Variants in THSD7B observed in about 807,000 individuals in gnomAD.
The protein encoded by THSD7B is thrombospondin type-1 domain-containing protein 7B.
A neutral mutation model predicts 213.6 loss-of-function variants in THSD7B; 138 were observed. The observed-to-expected ratio is 0.65, with a 90% confidence interval of 0.56 to 0.74. THSD7B has a LOEUF of 0.74. THSD7B is among the 30% of genes least tolerant of loss of function. The pLI is 0.00. For missense variants in THSD7B, 1,931 were observed against 1,991.5 expected (o/e 0.97, Z 0.58); for synonymous variants, 742 against 687.0 (o/e 1.08, Z -1.25).
intron 2 of THSD7B, among the ~76,000 whole-genome samples, chr2:136,923,210 A>G (rs1032227514): frequency 6.6e-6 from 1 of 152,154 alleles, no homozygotes; most frequent in African/African-American, 2.4e-5. Flanking sequence ...ATCATACAAG[A>G]TTTGCCCTTT....
At chr2:136,963,963 A>G (rs1411055943) in intron 2 of THSD7B, among the ~76,000 whole-genome samples, 1 of 151,124 alleles carries the variant, frequency 6.6e-6, no homozygotes, top group African/African-American at 2.4e-5. Context: ...CATAGGTAGA[A>G]AATATTGCTA....
chr2:137,392,588 G>C (rs906382929), intron 12 of THSD7B, among the ~76,000 whole-genome samples: 18 of 151,918 alleles, frequency 1.2e-4, no homozygotes, highest in African/African-American at 4.1e-4. Flanking sequence ...GTTTCTGTTT[G>C]CATGGAATAT....
At chr2:137,359,667 A>G (rs1042381986) in intron 12 of THSD7B, among the ~76,000 whole-genome samples, 10 of 152,154 alleles carry the variant, frequency 6.6e-5, no homozygotes, top group Non-Finnish European at 1.5e-5. Context: ...GTAACCTTGG[A>G]CACTTGCTAG....
At position 137,137,169 on chromosome 2, in the gene THSD7B, C is replaced by A. The variant is rs963063596; in HGVS notation, c.1369+21876C>A. 3.9e-5 allele frequency among the ~76,000 whole-genome samples: 6 copies of A among 152,290 alleles called. No homozygotes were observed. In the East Asian group the frequency reaches 1.2e-3, roughly 29 times the overall value. ...TCTGTGATCACTGAGGTGTAATTTA[C>A]AAACAGCAAAATGTTCAAATGATGT... is the stretch of plus-strand genomic sequence containing the variant. On this transcript the variant is annotated intron_variant, in intron 5 of 27. Coordinates refer to ENST00000409968, the MANE Select transcript of THSD7B (RefSeq NM_001316349.2).
chr2:137,397,129 C>G (rs1057173558), intron 12 of THSD7B, among the ~76,000 whole-genome samples: 2 of 151,418 alleles, frequency 1.3e-5, no homozygotes, highest in African/African-American at 2.4e-5. Flanking sequence ...GTTTGCCAGT[C>G]TGTATCTTTT....
chr2:137,378,481 G>C (rs1348854052), intron 12 of THSD7B, among the ~76,000 whole-genome samples: 1 of 152,128 alleles, frequency 6.6e-6, no homozygotes, highest in African/African-American at 2.4e-5. Context: ...GCTACTTTTT[G>C]TACTTATATA....
At chr2:136,954,014 C>A (rs1432851407) in intron 2 of THSD7B, among the ~76,000 whole-genome samples, 1 of 152,176 alleles carries the variant, frequency 6.6e-6, no homozygotes, top group Admixed American at 6.5e-5. Context: ...GTAATGAGAA[C>A]TAGATGTCTC....
At chr2:137,002,625 T>C (rs1326623790) in intron 2 of THSD7B, among the ~76,000 whole-genome samples, 1 of 152,192 alleles carries the variant, frequency 6.6e-6, no homozygotes, top group African/African-American at 2.4e-5. Context: ...CCATAACATC[T>C]AACACAAATT....
intron 12 of THSD7B, among the ~76,000 whole-genome samples, chr2:137,343,361 G>A (rs1684804470): frequency 6.6e-6 from 1 of 151,628 alleles, no homozygotes; most frequent in Non-Finnish European, 1.5e-5. Context: ...GTCTTAGTGA[G>A]TGATATGTGT....
At chr2:136,947,211 C>G (rs1346590628) in intron 2 of THSD7B, among the ~76,000 whole-genome samples, 2 of 151,938 alleles carry the variant, frequency 1.3e-5, no homozygotes, top group East Asian at 3.9e-4. Context: ...TTTTTGCTTC[C>G]TGTTTATTCT....
intron 12 of THSD7B, among the ~76,000 whole-genome samples, chr2:137,356,285 G>C (rs1266399637): frequency 6.6e-6 from 1 of 152,090 alleles, no homozygotes; most frequent in South Asian, 2.1e-4. Context: ...ACCAACTCAC[G>C]GGCTAGAACT....
chr2:137,664,100 G>A (rs62166262), intron 26 of THSD7B, among the ~76,000 whole-genome samples: 13,498 of 152,126 alleles, frequency 0.089, 684 homozygotes, highest in Middle Eastern at 0.16. Context: ...TGACCCTCCC[G>A]CCTTGGCCTC....
At chr2:137,072,682 C>T (rs753608150) in intron 3 of THSD7B, among the ~76,000 whole-genome samples, 4 of 152,002 alleles carry the variant, frequency 2.6e-5, no homozygotes, top group Non-Finnish European at 5.9e-5. Flanking sequence ...GTCTTGTGCC[C>T]GTTTTCAAAG....
intron 2 of THSD7B, among the ~76,000 whole-genome samples, chr2:137,032,093 G>A (rs1686685678): frequency 6.6e-6 from 1 of 151,190 alleles, no homozygotes; most frequent in Non-Finnish European, 1.5e-5. Context: ...CACCTACCTC[G>A]GCCTCCCAAA....
At position 136,819,691 on chromosome 2, in the gene THSD7B, C is replaced by G. The variant is rs566273409; in HGVS notation, c.-36+54004C>G. ...CTCCTGAGGACCTTGCTTATGCCCC[C>G]CCCAGTCCAGCTGAGGCTGAACTGA... is the stretch of plus-strand genomic sequence containing the variant. On this transcript the variant is annotated intron_variant, in intron 1 of 27. Transcript: ENST00000409968. 5.9e-5 allele frequency among the ~76,000 whole-genome samples: 9 copies of G among 152,174 alleles called. No homozygotes were observed. The South Asian group carries it at 1.5e-3, about 25-fold the overall frequency.
chr2:137,541,794 T>C (rs1474592795), intron 15 of THSD7B, among the ~76,000 whole-genome samples: 2 of 151,646 alleles, frequency 1.3e-5, no homozygotes, highest in Non-Finnish European at 3.0e-5. Flanking sequence ...ATAGATATTC[T>C]GGAGGTAAAA....
At chr2:136,964,118 A>C (rs962244404) in intron 2 of THSD7B, among the ~76,000 whole-genome samples, 1 of 152,350 alleles carries the variant, frequency 6.6e-6, no homozygotes, top group Admixed American at 6.5e-5. Context: ...CACAGGAACA[A>C]GATTTTACCA....
intron 1 of THSD7B, among the ~76,000 whole-genome samples, chr2:136,821,732 A>C (rs953894238): frequency 5.9e-5 from 9 of 152,038 alleles, no homozygotes; most frequent in Non-Finnish European, 2.9e-5. Flanking sequence ...TGAAATTCTT[A>C]GTATAGGCAA....
At chr2:136,987,075 A>G (rs1685685714) in intron 2 of THSD7B, among the ~76,000 whole-genome samples, 1 of 152,200 alleles carries the variant, frequency 6.6e-6, no homozygotes, top group Non-Finnish European at 1.5e-5. Context: ...AGCATTACTG[A>G]AAGGTAGTTA....
Sources: allele counts gnomAD v4.1 joint callset (sites outside exome capture counted in the v4.1 genomes callset), GRCh38; gene constraint gnomAD v4.1.1; transcripts MANE v1.5; gene names NCBI Gene and HGNC (gene_info 2026-07-23, HGNC 2026-07-21).